RCSD1: variants seen among roughly 807,000 people sequenced by gnomAD.
The protein encoded by RCSD1 is RCSD domain containing 1.
In RCSD1, 26 loss-of-function variants were observed where a neutral mutation model predicts 42.5. That is an observed-to-expected ratio of 0.61 (90% confidence interval 0.45 to 0.85). The LOEUF (loss-of-function observed/expected upper bound fraction) is 0.85. RCSD1 is among the 40% of genes least tolerant of loss of function. The pLI, the probability that RCSD1 is intolerant of heterozygous loss-of-function variation, is 0.00. For synonymous variants in RCSD1, 220 were observed against 212.2 expected (o/e 1.04, Z -0.32); for missense variants, 571 against 528.3 (o/e 1.08, Z -0.79).
At chr1:167,666,708 A>G (rs1030861185) in intron 1 of RCSD1, among the ~76,000 whole-genome samples, 1 of 152,198 alleles carries the variant, frequency 6.6e-6, no homozygotes, top group Non-Finnish European at 1.5e-5. Context: ...GCCATCAGCA[A>G]ACCTCTGCAG....
chr1:167,631,890 T>C (rs1258123896), intron 1 of RCSD1, among the ~76,000 whole-genome samples: 1 of 152,228 alleles, frequency 6.6e-6, no homozygotes, highest in Non-Finnish European at 1.5e-5. Flanking sequence ...GGGAGCTATA[T>C]TCAGGCATCC....
At chr1:167,669,803 G>A (rs1045849194) in intron 1 of RCSD1, among the ~76,000 whole-genome samples, 1 of 152,358 alleles carries the variant, frequency 6.6e-6, no homozygotes, top group South Asian at 2.1e-4. Flanking sequence ...CCAGCACCAT[G>A]TCCTGCTAAT....
At chr1:167,655,854 C>A (rs1658414768) in intron 1 of RCSD1, among the ~76,000 whole-genome samples, 2 of 152,170 alleles carry the variant, frequency 1.3e-5, no homozygotes, top group African/African-American at 2.4e-5. Flanking sequence ...ATTGAAAAGG[C>A]AGAATACTTG....
intron 1 of RCSD1, among the ~76,000 whole-genome samples, chr1:167,646,420 T>G (rs1658146781): frequency 7.0e-6 from 1 of 143,162 alleles, no homozygotes; most frequent in Non-Finnish European, 1.5e-5. Context: ...TTGGGAGTTA[T>G]AGCCGACCAT....
At chr1:167,669,419 C>T (rs1450546471) in intron 1 of RCSD1, among the ~76,000 whole-genome samples, 1 of 152,254 alleles carries the variant, frequency 6.6e-6, no homozygotes, top group Non-Finnish European at 1.5e-5. Flanking sequence ...CCTGTCACTT[C>T]AAGGCCAGCC....
intron 1 of RCSD1, among the ~76,000 whole-genome samples, chr1:167,676,446 G>C (rs1276215421): frequency 6.6e-6 from 1 of 152,166 alleles, no homozygotes; most frequent in Non-Finnish European, 1.5e-5. Context: ...GACTCAGAGA[G>C]GTTCACACCC....
chr1:167,654,159 A>G (rs1658371303), intron 1 of RCSD1, among the ~76,000 whole-genome samples: 2 of 152,222 alleles, frequency 1.3e-5, no homozygotes, highest in Non-Finnish European at 2.9e-5. Flanking sequence ...AGTGTTGGCC[A>G]TTATTGAGGA....
chr1:167,682,176 T>C (rs182887772), intron 1 of RCSD1, among the ~76,000 whole-genome samples: 1 of 151,558 alleles, frequency 6.6e-6, no homozygotes, highest in Non-Finnish European at 1.5e-5. Context: ...CGAAGCCTTT[T>C]TTTTTTTTTT....
intron 1 of RCSD1, among the ~76,000 whole-genome samples, chr1:167,677,844 C>G (rs771609642): frequency 1.7e-4 from 26 of 152,120 alleles, no homozygotes; most frequent in Non-Finnish European, 1.3e-4. Context: ...GGGAAAAGAT[C>G]TTGAGGCCCA....
rs184274194 is a variant in RCSD1, at chr1:167,706,574, G to A, written c.*1878G>A. ...GGAGGGTCTAAACATAGTAGCAGACGAGAGAGGGGCAGTAAAAATGACAAG... is the reference window on the plus strand; with the variant it reads ...GGAGGGTCTAAACATAGTAGCAGACAAGAGAGGGGCAGTAAAAATGACAAG... On this transcript the variant is annotated 3_prime_UTR_variant, in exon 7 of 7. Coordinates refer to ENST00000367854, the MANE Select transcript of RCSD1 (RefSeq NM_052862.4). Among the ~76,000 whole-genome samples the A allele has an allele frequency of 5.9e-5, 9 of 152,270 alleles. No individual in the cohort carries two copies. The highest frequency in any genetic ancestry group is 1.9e-4 in the African/African-American group (8 of 41,532).
intron 1 of RCSD1, among the ~76,000 whole-genome samples, chr1:167,636,609 G>A (rs191060288): frequency 3.3e-5 from 5 of 151,626 alleles, no homozygotes; most frequent in Admixed American, 1.3e-4. Context: ...TTTGTTTTTA[G>A]ACGGAGTTTT....
intron 1 of RCSD1, among the ~76,000 whole-genome samples, chr1:167,634,017 A>G (rs1181308811): frequency 6.6e-6 from 1 of 152,168 alleles, no homozygotes; most frequent in African/African-American, 2.4e-5. Context: ...AGATTTTCTC[A>G]TTGGTCTTTG....
At chr1:167,647,602 A>C (rs928374823) in intron 1 of RCSD1, among the ~76,000 whole-genome samples, 5 of 152,134 alleles carry the variant, frequency 3.3e-5, no homozygotes, top group Non-Finnish European at 7.3e-5. Flanking sequence ...AAAGCAGTGC[A>C]TGGTGGTGCA....
chr1:167,697,132 C>T lies in RCSD1; in HGVS notation c.508C>T (p.Pro170Ser), dbSNP rs773585787. Residue 170 changes from proline to serine, a missense_variant, in exon 6 of 7, where the codon CCC (proline) becomes TCC (serine). By Grantham distance (74) the Pro-to-Ser change is moderately conservative (BLOSUM62 -1). Coordinates refer to ENST00000367854, the MANE Select transcript of RCSD1 (RefSeq NM_052862.4). ...RTRGSIKRRP[P>S]SRRFRRSQSD... ...GAGGGGCTCAATAAAAAGGCGCCCT[C>T]CCTCCAGGCGATTCCGAAGGTCACA... The T allele has an allele frequency of 3.1e-6, 5 of 1,613,772 alleles. No individual in the cohort carries two copies. Among genetic ancestry groups the T allele is most frequent in the Non-Finnish European group, 4.2e-6 (5 of 1,179,910 alleles).
At position 167,697,454 on chromosome 1, in the gene RCSD1, C is replaced by T; in HGVS notation, c.830C>T (p.Ala277Val). ...SSEEVDGQHP[A>V]QEEVPESPQT... is the part of the protein sequence containing the mutation. ...GAGGAGGTGGACGGCCAGCACCCGGCCCAAGAGGAGGTCCCGGAATCGCCC... is the reference window on the plus strand; with the variant it reads ...GAGGAGGTGGACGGCCAGCACCCGGTCCAAGAGGAGGTCCCGGAATCGCCC... The change falls in exon 6 of 7, where the codon GCC (alanine) becomes GTC (valine). Residue 277 changes from alanine (A) to valine (V), a missense_variant. Physicochemically the swap from Ala to Val is moderately conservative, Grantham distance 64 (BLOSUM62 0). Transcript: ENST00000367854. 6.2e-7 allele frequency: 1 copy of T among 1,611,474 alleles called. No individual in the cohort carries two copies. The highest frequency in any genetic ancestry group is 8.5e-7 in the Non-Finnish European group (1 of 1,178,894).
At chr1:167,643,799 C>T (rs1262653156) in intron 1 of RCSD1, among the ~76,000 whole-genome samples, 4 of 152,178 alleles carry the variant, frequency 2.6e-5, no homozygotes, top group Non-Finnish European at 4.4e-5. Flanking sequence ...GTGCTTAGTG[C>T]GTTGCACATA....
intron 1 of RCSD1, among the ~76,000 whole-genome samples, chr1:167,674,005 T>C (rs975779084): frequency 2.6e-5 from 4 of 152,230 alleles, no homozygotes; most frequent in African/African-American, 9.7e-5. Context: ...TGGCCTGTTT[T>C]CATTCTGATA....
At chr1:167,704,063 C>T (rs919333152) in intron 6 of RCSD1, among the ~76,000 whole-genome samples, 10 of 152,134 alleles carry the variant, frequency 6.6e-5, no homozygotes, top group African/African-American at 2.2e-4. Context: ...CTGATGGGGA[C>T]GAGGCTGGAG....
intron 1 of RCSD1, among the ~76,000 whole-genome samples, chr1:167,632,959 C>A (rs939405877): frequency 6.6e-6 from 1 of 152,116 alleles, no homozygotes; most frequent in African/African-American, 2.4e-5. Context: ...CAGAGTAAAA[C>A]CCTCTTTTGA....
Sources: allele counts gnomAD v4.1 joint callset (sites outside exome capture counted in the v4.1 genomes callset), GRCh38; gene constraint gnomAD v4.1.1; transcripts MANE v1.5; gene names NCBI Gene and HGNC (gene_info 2026-07-23, HGNC 2026-07-21).